The following EML4 variants were observed in gnomAD, a reference collection of about 807,000 sequenced individuals.
The protein encoded by EML4 is EMAP like 4, also known as echinoderm microtubule-associated protein-like 4.
In EML4, 72 loss-of-function variants were observed where a neutral mutation model predicts 129.0. The observed-to-expected ratio is 0.56, with a 90% CI of 0.46 to 0.68. EML4 has a LOEUF of 0.68. Among genes scored for constraint, EML4 ranks in the 30% least tolerant of loss-of-function variants. The pLI is 0.00. For synonymous variants in EML4, 532 were observed against 405.0 expected, an observed-to-expected ratio of 1.31 and a Z score of -3.77; for missense variants, 1,363 against 1,190.6, an observed-to-expected ratio of 1.14 and a Z score of -2.13.
intron 1 of EML4, among the ~76,000 whole-genome samples, chr2:42,207,135 C>G (rs1021718236): frequency 2.6e-5 from 4 of 152,086 alleles, no homozygotes; most frequent in African/African-American, 9.7e-5. Context: ...TGGTTACATT[C>G]TAAAAGTTAT....
intron 1 of EML4, 134 bp from the exon 2 acceptor site, chr2:42,245,369 TAC>T: frequency 1.3e-6 from 1 of 753,880 alleles, no homozygotes; most frequent in Non-Finnish European, 2.1e-6. Flanking sequence ...GTTCTGGAAG[TAC>T]AGGCACGAGC....
chr2:42,182,488 G>A (rs1329380905), intron 1 of EML4, among the ~76,000 whole-genome samples: 3 of 152,056 alleles, frequency 2.0e-5, no homozygotes, highest in Non-Finnish European at 4.4e-5. Flanking sequence ...ACCCCGTACT[G>A]TGCTGCTCCT....
chr2:42,242,103 CT>C (rs1437020598), intron 1 of EML4, among the ~76,000 whole-genome samples: 4 of 151,904 alleles, frequency 2.6e-5, no homozygotes, highest in African/African-American at 9.7e-5. Flanking sequence ...TAAAAGTTTG[CT>C]GAAGGTAAGT....
intron 7 of EML4, among the ~76,000 whole-genome samples, chr2:42,282,203 G>T (rs1195725306): frequency 6.6e-6 from 1 of 151,318 alleles, no homozygotes; most frequent in African/African-American, 2.4e-5. Context: ...TTTGCCAGAG[G>T]ATAAGCTCTA....
In EML4 at chr2:42,261,241, T is replaced by A; in HGVS notation, c.459T>A (p.Pro153=). 1 of 1,613,874 alleles carries A rather than the reference T, an allele frequency of 6.2e-7. No homozygotes were observed. The highest frequency in any genetic ancestry group is 8.5e-7 in the Non-Finnish European group (1 of 1,179,912). ...CTTCTCCCCAGCCCTCTTCACAACCTCTCCAAATACACAGACAAACTCCAG... is the reference window on the plus strand; with the variant it reads ...CTTCTCCCCAGCCCTCTTCACAACCACTCCAAATACACAGACAAACTCCAG... The part of the protein sequence containing the change: ...ASPSPQPSSQ[P]LQIHRQTPES... Residue 153 remains proline (P), a synonymous_variant, in exon 4 of 23, where the codon CCT becomes CCA. Coordinates refer to ENST00000318522, the MANE Select transcript of EML4 (RefSeq NM_019063.5).
intron 1 of EML4, among the ~76,000 whole-genome samples, chr2:42,193,773 C>A (rs1671739810): frequency 6.6e-6 from 1 of 151,848 alleles, no homozygotes; most frequent in Non-Finnish European, 1.5e-5. Flanking sequence ...GCAGCCTTGA[C>A]CTCCTGGGCT....
At position 42,256,561 on chromosome 2, in the gene EML4, A is replaced by G; in HGVS notation, c.269A>G (p.Asn90Ser). 1 of 1,613,884 alleles carries G rather than the reference A, an allele frequency of 6.2e-7. No homozygotes were observed. The highest frequency in any genetic ancestry group is 8.5e-7 in the Non-Finnish European group (1 of 1,179,856). Residue 90 changes from asparagine (N) to serine (S), a missense_variant, in exon 3 of 23, where the codon AAC (asparagine) becomes AGC (serine). Coordinates refer to ENST00000318522, the MANE Select transcript of EML4 (RefSeq NM_019063.5). ...TGTATAACCAATGGAAGTGGTGCAA[A>G]CAGAAAACCAAGTCATACCAGTGCT... ...MSCITNGSGA[N>S]RKPSHTSAVS...
intron 1 of EML4, among the ~76,000 whole-genome samples, chr2:42,201,323 C>A (rs1347945634): frequency 6.6e-6 from 1 of 152,084 alleles, no homozygotes; most frequent in Non-Finnish European, 1.5e-5. Context: ...CATTATTATC[C>A]CCATTTTACA....
intron 1 of EML4, among the ~76,000 whole-genome samples, chr2:42,199,602 C>T (rs1414312002): frequency 2.0e-5 from 3 of 152,130 alleles, no homozygotes; most frequent in African/African-American, 7.2e-5. Context: ...TTTGACTCAG[C>T]TGGAATGGAA....
chr2:42,303,101 T>C lies in EML4; in HGVS notation c.1642-3T>C. On this transcript the variant is annotated splice_region_variant and splice_polypyrimidine_tract_variant and intron_variant, in intron 14 of 22. Transcript: ENST00000318522. Reference sequence around the variant, plus strand: ...TATGGTGACTTTACACTTTTTTTTCTAGGTTCCTGATCAGTATGGCACAAT... The same window carrying C: ...TATGGTGACTTTACACTTTTTTTTCCAGGTTCCTGATCAGTATGGCACAAT... The C allele has an allele frequency of 6.2e-7, 1 of 1,613,224 alleles. No individual in the cohort carries two copies. The highest frequency in any genetic ancestry group is 8.5e-7 in the Non-Finnish European group (1 of 1,179,754).
intron 21 of EML4, among the ~76,000 whole-genome samples, 156 bp from the exon 22 acceptor site, chr2:42,328,730 G>GT (rs1206449855): frequency 6.6e-6 from 1 of 152,204 alleles, no homozygotes; most frequent in Non-Finnish European, 1.5e-5. Flanking sequence ...GAAGAACAGT[G>GT]TGAGCCACTG....
At chr2:42,170,412 G>T (rs959632574) in intron 1 of EML4, 4 of 152,218 alleles carry the variant, frequency 2.6e-5, no homozygotes, top group Non-Finnish European at 5.9e-5. Context: ...ATAGGAAAGG[G>T]GGCCTCTATC....
chr2:42,226,618 T>C (rs893303330), intron 1 of EML4, among the ~76,000 whole-genome samples: 1 of 151,736 alleles, frequency 6.6e-6, no homozygotes. Context: ...GATCGTGCCA[T>C]TGCACTCCAG....
rs544708228 is a variant in EML4, at chr2:42,295,519, A to G, written c.1489+3A>G. ...CACACCTGGGAAAGGACCTAAAGGT[A>G]CAGTATTCTTATATTAAACTCATTT... On this transcript the variant is annotated splice_donor_region_variant and intron_variant, in intron 13 of 22. Coordinates refer to ENST00000318522, the MANE Select transcript of EML4 (RefSeq NM_019063.5). 32 of 1,609,484 alleles carry G rather than the reference A, an allele frequency of 2.0e-5. No individual in the cohort carries two copies. In the African/African-American group the frequency reaches 3.1e-4, roughly 15 times the overall value.
Position 42,302,607 on chromosome 2 carries a change from A to G in EML4, c.1642-497A>G, listed in dbSNP as rs538856224. 8.0e-5 allele frequency among the ~76,000 whole-genome samples: 12 copies of G among 150,484 alleles called. No homozygotes were observed. In the South Asian group the frequency reaches 2.3e-3, roughly 29 times the overall value. On this transcript the variant is annotated intron_variant, in intron 14 of 22. Coordinates refer to ENST00000318522, the MANE Select transcript of EML4 (RefSeq NM_019063.5). ...GGAATACAGTGGCCCAGTCTTGGCTAACTGCAACCTCTGCCTCCCGGATTC... is the reference window on the plus strand; with the variant it reads ...GGAATACAGTGGCCCAGTCTTGGCTGACTGCAACCTCTGCCTCCCGGATTC...
chr2:42,263,325 T>C lies in EML4; in HGVS notation c.641+19T>C. On this transcript the variant is annotated intron_variant, in intron 5 of 22. Transcript: ENST00000318522. ...CAGACAAGTAAGTATTGCACTTTCT[T>C]CATTATATCTGAAAAGTAATAATTA... 6.2e-7 allele frequency: 1 copy of C among 1,601,300 alleles called. No individual in the cohort carries two copies. Among genetic ancestry groups the C allele is most frequent in the East Asian group, 2.3e-5 (1 of 44,356 alleles).
intron 2 of EML4, among the ~76,000 whole-genome samples, chr2:42,250,405 C>T (rs893527316): frequency 4.6e-5 from 7 of 152,098 alleles, no homozygotes; most frequent in African/African-American, 1.2e-4. Flanking sequence ...TAAATGTTAT[C>T]GATAAGCACA....
At chr2:42,325,413 G>GTTTATCA in intron 19 of EML4, 54 bp from the exon 20 acceptor site, 1 of 832,686 alleles carries the variant, frequency 1.2e-6, no homozygotes, top group Non-Finnish European at 2.0e-6. Flanking sequence ...CTGTTGAACT[G>GTTTATCA]TTTATCATTC....
chr2:42,306,484 CTTTTTTTT>C (rs375707062), intron 17 of EML4, among the ~76,000 whole-genome samples: 47 of 74,598 alleles, frequency 6.3e-4, no homozygotes, highest in African/African-American at 1.6e-3. Flanking sequence ...GTGCTAAATC[CTTTTTTTT>C]TTTTTTTTTT....
Sources: allele counts gnomAD v4.1 joint callset (sites outside exome capture counted in the v4.1 genomes callset), GRCh38; gene constraint gnomAD v4.1.1; transcripts MANE v1.5; gene names NCBI Gene and HGNC (gene_info 2026-07-23, HGNC 2026-07-21).